Variants in NPAS2 observed in about 807,000 individuals in gnomAD.
NPAS2 encodes the protein neuronal PAS domain-containing protein 2.
In NPAS2, 23 loss-of-function variants were observed where a neutral mutation model predicts 107.5. The observed-to-expected ratio is 0.21, with a 90% confidence interval of 0.15 to 0.30. The LOEUF is 0.30. Ranked by LOEUF, NPAS2 falls within the 10% of genes least tolerant of loss-of-function variation. NPAS2 has a pLI of 1.00. For synonymous variants in NPAS2, 403 were observed against 417.5 expected, an observed-to-expected ratio of 0.97 and a Z score of 0.42; for missense variants, 756 against 1,043.3, an observed-to-expected ratio of 0.72 and a Z score of 3.79.
At chr2:100,970,656 G>A in intron 11 of NPAS2, 1 of 211,652 alleles carries the variant, frequency 4.7e-6, no homozygotes, top group Non-Finnish European at 9.3e-6. Context: ...TTTAAAGGCA[G>A]AAGCTTATCC....
chr2:100,986,122 A>G (rs1465776563), intron 16 of NPAS2: 5 of 152,220 alleles, frequency 3.3e-5, no homozygotes, highest in African/African-American at 4.8e-5. Flanking sequence ...ATGGATACCC[A>G]GAAAATTCTT....
rs780591611 is a variant in NPAS2 at position 100,964,146 on chromosome 2, C to T, written c.687C>T (p.Thr229=). The change falls in exon 8 of 21, where the codon ACC becomes ACT. Residue 229 remains threonine, a synonymous_variant. Transcript: ENST00000335681. ...GAAAGGAGGTTTGCTTCATTGCCAC[C>T]GTTCGTCTGGCAACACCACAATTCT... ...PLGKEVCFIA[T]VRLATPQFLK... 6.7e-5 allele frequency: 108 copies of T among 1,613,224 alleles called. No individual in the cohort carries two copies. In the Admixed American group the frequency reaches 8.0e-4, roughly 12 times the overall value.
intron 1 of NPAS2, among the ~76,000 whole-genome samples, chr2:100,863,718 T>C (rs1679079454): frequency 6.6e-6 from 1 of 152,162 alleles, no homozygotes; most frequent in Non-Finnish European, 1.5e-5. Context: ...TGAAGACATG[T>C]TTTTTTGTGC....
intron 20 of NPAS2, chr2:100,994,849 G>T (rs1211075396): frequency 6.6e-6 from 1 of 152,626 alleles, no homozygotes; most frequent in Non-Finnish European, 1.5e-5. Flanking sequence ...TGCAGGAGGA[G>T]ATTTCATGGA....
At chr2:100,895,421 A>T (rs1030321790) in intron 1 of NPAS2, among the ~76,000 whole-genome samples, 1 of 152,214 alleles carries the variant, frequency 6.6e-6, no homozygotes, top group Non-Finnish European at 1.5e-5. Context: ...AAGGTTATAC[A>T]GAGATACTGA....
At chr2:100,988,757 C>G in intron 17 of NPAS2, 1 of 303,444 alleles carries the variant, frequency 3.3e-6, no homozygotes, top group Non-Finnish European at 6.2e-6. Context: ...TCCAGGCCCC[C>G]ACTGCTCCTC....
At chr2:100,847,891 G>A (rs142781604) in intron 1 of NPAS2, among the ~76,000 whole-genome samples, 13 of 152,336 alleles carry the variant, frequency 8.5e-5, no homozygotes, top group Middle Eastern at 3.4e-3. Flanking sequence ...GGCTGATTTC[G>A]TGGCCTCAAG....
At chr2:100,890,112 T>C (rs1680955993) in intron 1 of NPAS2, among the ~76,000 whole-genome samples, 1 of 152,202 alleles carries the variant, frequency 6.6e-6, no homozygotes, top group Non-Finnish European at 1.5e-5. Flanking sequence ...GTATGAGGTA[T>C]GTAGCTTTGC....
chr2:100,952,390 C>A (rs1381023184), intron 7 of NPAS2, among the ~76,000 whole-genome samples: 1 of 151,798 alleles, frequency 6.6e-6, no homozygotes, highest in Admixed American at 6.6e-5. Context: ...CATGGAGAAA[C>A]CCCGTCTCTA....
At chr2:100,929,830 G>A (rs1294079928) in intron 3 of NPAS2, among the ~76,000 whole-genome samples, 1 of 152,196 alleles carries the variant, frequency 6.6e-6, no homozygotes, top group East Asian at 1.9e-4. Context: ...CATGCTTCCT[G>A]CCGTCATGCT....
At chr2:100,879,898 C>T (rs1000468968) in intron 1 of NPAS2, among the ~76,000 whole-genome samples, 24 of 152,314 alleles carry the variant, frequency 1.6e-4, no homozygotes, top group Non-Finnish European at 3.5e-4. Context: ...GTGGCCTGCA[C>T]GGCTGAGGGC....
At chr2:100,912,056 T>G (rs1682583339) in intron 2 of NPAS2, among the ~76,000 whole-genome samples, 1 of 152,202 alleles carries the variant, frequency 6.6e-6, no homozygotes, top group South Asian at 2.1e-4. Context: ...CATCGTGTGC[T>G]GCAGTTGCCT....
intron 3 of NPAS2, among the ~76,000 whole-genome samples, chr2:100,926,028 A>G (rs1002549546): frequency 6.6e-6 from 1 of 152,198 alleles, no homozygotes; most frequent in Non-Finnish European, 1.5e-5. Context: ...TTATACAAGT[A>G]GAATCATACG....
intron 1 of NPAS2, among the ~76,000 whole-genome samples, chr2:100,865,920 C>T (rs918230802): frequency 6.6e-6 from 1 of 152,214 alleles, no homozygotes; most frequent in Non-Finnish European, 1.5e-5. Context: ...TGCCTAGACC[C>T]TGGCCCTGAT....
chr2:100,878,691 T>A, intron 1 of NPAS2: 2 of 828,796 alleles, frequency 2.4e-6, no homozygotes, highest in Non-Finnish European at 2.9e-6. Flanking sequence ...ATTGATTTTG[T>A]AGATTCTCAC....
intron 7 of NPAS2, among the ~76,000 whole-genome samples, chr2:100,962,524 C>T (rs575442393): frequency 2.0e-4 from 31 of 152,288 alleles, no homozygotes; most frequent in Admixed American, 1.8e-3. Context: ...CACTGGTGAA[C>T]CTGCAGAGCC....
chr2:100,865,316 T>G lies in NPAS2; in HGVS notation c.-22-39417T>G, dbSNP rs182498972. 2.0e-5 allele frequency among the ~76,000 whole-genome samples: 3 copies of G among 152,320 alleles called. No homozygotes were observed. The East Asian group carries it at 5.8e-4, about 29-fold the overall frequency. Reference sequence around the variant, plus strand: ...GGAGGAAGCAGGTCGTGCTGCCGCCTGAGCCAGCATGCTCCTTTGGATGCA... The same window carrying G: ...GGAGGAAGCAGGTCGTGCTGCCGCCGGAGCCAGCATGCTCCTTTGGATGCA... On this transcript the variant is annotated intron_variant, in intron 1 of 20. Coordinates refer to ENST00000335681, the MANE Select transcript of NPAS2 (RefSeq NM_002518.4).
intron 19 of NPAS2, among the ~76,000 whole-genome samples, chr2:100,992,106 C>A (rs1157940118): frequency 6.6e-6 from 1 of 152,210 alleles, no homozygotes; most frequent in Non-Finnish European, 1.5e-5. Flanking sequence ...CCTGTTCTTC[C>A]TAAATGATCC....
intron 16 of NPAS2, chr2:100,986,485 G>A (rs1187301822): frequency 1.3e-5 from 2 of 152,296 alleles, no homozygotes; most frequent in East Asian, 1.9e-4. Context: ...AACGTCAGAT[G>A]CTGGGAGCCA....
Sources: allele counts gnomAD v4.1 joint callset (sites outside exome capture counted in the v4.1 genomes callset), GRCh38; gene constraint gnomAD v4.1.1; transcripts MANE v1.5; gene names NCBI Gene and HGNC (gene_info 2026-07-23, HGNC 2026-07-21).